NLRC3: variants seen among roughly 807,000 people sequenced by gnomAD.
The protein encoded by NLRC3 is NLR family CARD domain containing 3, also known as NLR family CARD domain-containing protein 3.
A neutral mutation model predicts 91.6 loss-of-function variants in NLRC3; 87 were observed. That is an observed-to-expected ratio of 0.95 (90% CI 0.80 to 1.14). NLRC3 has a LOEUF of 1.14. NLRC3 is among the 50% of genes most tolerant of loss of function. The pLI, the probability that NLRC3 is intolerant of heterozygous loss-of-function variation, is 0.00. For missense variants in NLRC3, 1,577 were observed against 1,418.6 expected, an observed-to-expected ratio of 1.11 and a Z score of -1.79; for synonymous variants, 694 against 625.3, an observed-to-expected ratio of 1.11 and a Z score of -1.64.
chr16:3,550,825 C>T (rs2038953729), intron 10 of NLRC3, among the ~76,000 whole-genome samples: 1 of 152,110 alleles, frequency 6.6e-6, no homozygotes, highest in Admixed American at 6.5e-5. Context: ...AAATGTGAGC[C>T]CGAGAAGGTT....
chr16:3,564,002 A>T lies in NLRC3; in HGVS notation c.935T>A (p.Met312Lys), dbSNP rs901861161. ...FPEDQALLGW[M>K]LSQVQADRAL... ...CCTGTCAGCCTGCACTTGGCTCAGC[A>T]TCCAGCCCAGAAGGGCCTGGTCCTC... The change falls in exon 5 of 20, where the codon ATG (methionine) becomes AAG (lysine). Residue 312 changes from methionine (M) to lysine (K), a missense_variant. Transcript: ENST00000359128. This position sits in a 1 kb window ranked among gnomAD's most constrained non-coding sequence, Gnocchi z 5.9. 2 of 1,608,444 alleles carry T rather than the reference A, an allele frequency of 1.2e-6. No individual in the cohort carries two copies. Among genetic ancestry groups the T allele is most frequent in the African/African-American group, 1.3e-5 (1 of 74,956 alleles).
chr16:3,573,011 CAAAAAAA>C (rs58940028), intron 1 of NLRC3, among the ~76,000 whole-genome samples: 1 of 75,264 alleles, frequency 1.3e-5, no homozygotes, highest in Non-Finnish European at 2.6e-5. Context: ...GACTCTATCT[CAAAAAAA>C]AAAAAAAAAA....
At chr16:3,561,340 G>A (rs968198193) in intron 6 of NLRC3, among the ~76,000 whole-genome samples, 3 of 152,120 alleles carry the variant, frequency 2.0e-5, no homozygotes, top group African/African-American at 7.2e-5. Flanking sequence ...AAGCAAGACT[G>A]TCTGGGGGGG....
chr16:3,565,532 G>A (rs2039844083), intron 2 of NLRC3, among the ~76,000 whole-genome samples, 152 bp from the exon 3 acceptor site: 1 of 145,950 alleles, frequency 6.9e-6, no homozygotes, highest in South Asian at 2.2e-4. Flanking sequence ...GCTACACTGT[G>A]TGATTCTGAC....
chr16:3,540,011 CAAG>C lies in NLRC3; in HGVS notation c.*1811_*1813del, dbSNP rs1246068368. The C allele has an allele frequency of 6.6e-6, 1 of 152,136 alleles. No homozygotes were observed. Among genetic ancestry groups the C allele is most frequent in the African/African-American group, 2.4e-5 (1 of 41,438 alleles). The allele number at this position is 152,136 out of a possible 1,614,324, so 9.4% of individuals were successfully genotyped here. On this transcript the variant is annotated 3_prime_UTR_variant, in exon 20 of 20. Transcript: ENST00000359128. ...TTAGAATCAGGCAAACATTTTTTGA[CAAG>C]AATACATCAGAGACGACTCCGTGGT...
In NLRC3 at chr16:3,549,762, G is replaced by A. The variant is rs774981047; in HGVS notation, c.2454C>T (p.Ile818=). 1.5e-5 allele frequency: 23 copies of A among 1,550,954 alleles called. 1 individual carries two copies. The South Asian group carries it at 2.7e-4, about 18-fold the overall frequency. The change falls in exon 12 of 20, where the codon ATC becomes ATT. Residue 818 remains isoleucine, a synonymous_variant. Coordinates refer to ENST00000359128, the MANE Select transcript of NLRC3 (RefSeq NM_178844.4). ...LESLDLQSNS[I]SDAGVAALMG... ...TCAGTGCTGCCACTCCTGCGTCACT[G>A]ATGGAATTGCTCTGCAGGCTGCGGA... is the stretch of plus-strand genomic sequence containing the variant.
chr16:3,557,558 A>G (rs773830129), intron 7 of NLRC3, 35 bp downstream of exon 7: 4 of 1,406,756 alleles, frequency 2.8e-6, no homozygotes, highest in Middle Eastern at 1.8e-4. Context: ...TCTGGTTCCA[A>G]TGGCAAAAGT....
chr16:3,548,962 G>A (rs1456047474), intron 13 of NLRC3, among the ~76,000 whole-genome samples, 180 bp downstream of exon 13: 1 of 152,212 alleles, frequency 6.6e-6, no homozygotes, highest in Non-Finnish European at 1.5e-5. Flanking sequence ...TCACCCTCGT[G>A]CAGTTTACAC....
chr16:3,572,126 GA>G (rs1778926616), intron 1 of NLRC3, among the ~76,000 whole-genome samples: 1 of 151,782 alleles, frequency 6.6e-6, no homozygotes, highest in Admixed American at 6.6e-5. Flanking sequence ...AAATGAAATA[GA>G]AAAAAGGACA....
chr16:3,571,360 A>G (rs559825988), intron 1 of NLRC3, among the ~76,000 whole-genome samples: 3 of 151,042 alleles, frequency 2.0e-5, no homozygotes, highest in African/African-American at 7.3e-5. Flanking sequence ...CAGCCTGGGC[A>G]ACATAGTGAC....
At chr16:3,573,286 G>C (rs1249144412) in intron 1 of NLRC3, among the ~76,000 whole-genome samples, 1 of 151,780 alleles carries the variant, frequency 6.6e-6, no homozygotes, top group Non-Finnish European at 1.5e-5. Flanking sequence ...AATTAGCTGA[G>C]CACGGTGGCG....
In NLRC3 at chr16:3,564,240, T is replaced by C; in HGVS notation, c.697A>G (p.Thr233Ala). The C allele has an allele frequency of 6.2e-7, 1 of 1,612,992 alleles. No homozygotes were observed. Among genetic ancestry groups the C allele is most frequent in the Non-Finnish European group, 8.5e-7 (1 of 1,179,798 alleles). ...TTCTTTGGGTCCGTGCAGGCCACGG[T>C]GTTGGAGAAGTCCAGAGGCGTCCTG... ...ECRTPLDFSN[T>A]VACTDPKKEI... Residue 233 changes from threonine (T) to alanine (A), a missense_variant, in exon 5 of 20, where the codon ACC becomes GCC. Coordinates refer to ENST00000359128, the MANE Select transcript of NLRC3 (RefSeq NM_178844.4). This position sits in a 1 kb window ranked among gnomAD's most constrained non-coding sequence, Gnocchi z 5.9.
chr16:3,543,778 C>G (rs566242711), intron 16 of NLRC3: 1 of 484,092 alleles, frequency 2.1e-6, no homozygotes, highest in South Asian at 2.6e-5. Flanking sequence ...TTACTACTCT[C>G]TAGGTGTTTG....
intron 6 of NLRC3, among the ~76,000 whole-genome samples, chr16:3,559,525 CTT>C (rs991422493): frequency 1.3e-5 from 2 of 151,940 alleles, no homozygotes; most frequent in Non-Finnish European, 2.9e-5. Flanking sequence ...ACCTAGTCTG[CTT>C]TAAGCAAAAC....
intron 1 of NLRC3, among the ~76,000 whole-genome samples, chr16:3,570,377 A>T (rs1224858071): frequency 1.3e-5 from 2 of 152,178 alleles, no homozygotes; most frequent in African/African-American, 4.8e-5. Flanking sequence ...ACCAGCAAAT[A>T]TTTATGGAGA....
At chr16:3,545,270 AC>A (rs1469879497) in intron 15 of NLRC3, 4 of 151,780 alleles carry the variant, frequency 2.6e-5, no homozygotes, top group African/African-American at 9.7e-5. Flanking sequence ...ACATGGTGAA[AC>A]CCCGTCTCCA....
chr16:3,554,414 G>A (rs2039187272), intron 8 of NLRC3, 89 bp from the exon 9 acceptor site: 1 of 930,818 alleles, frequency 1.1e-6, no homozygotes, highest in South Asian at 1.4e-5. Flanking sequence ...GCACCTCTGT[G>A]GAGCAAGGGG....
intron 1 of NLRC3, among the ~76,000 whole-genome samples, chr16:3,576,099 CAG>C (rs2040281118): frequency 2.0e-5 from 3 of 150,470 alleles, no homozygotes; most frequent in Admixed American, 2.0e-4. Context: ...CACCCTGGGA[CAG>C]AAGAAGAGGG....
At chr16:3,561,979 G>T (rs1421995791) in intron 5 of NLRC3, among the ~76,000 whole-genome samples, 191 bp from the exon 6 acceptor site, 1 of 152,154 alleles carries the variant, frequency 6.6e-6, no homozygotes, top group South Asian at 2.1e-4. Context: ...CGAGACCTGC[G>T]GTTCCTGTGC....
Sources: allele counts gnomAD v4.1 joint callset (sites outside exome capture counted in the v4.1 genomes callset), GRCh38; gene constraint gnomAD v4.1.1; non-coding constraint Gnocchi (gnomAD v3.1); transcripts MANE v1.5; gene names NCBI Gene and HGNC (gene_info 2026-07-23, HGNC 2026-07-21).